XPO6: variants seen among roughly 807,000 people sequenced by gnomAD.
XPO6 encodes exportin 6, also known as exportin-6.
Under a neutral mutation model 130.0 loss-of-function variants are expected in XPO6, and 3 were observed. The observed-to-expected ratio is 0.02, with a 90% CI of 0.01 to 0.06. XPO6 has a LOEUF of 0.06. XPO6 is among the 10% of genes least tolerant of loss of function. The pLI, the probability that XPO6 is intolerant of heterozygous loss-of-function variation, is 1.00. For missense variants in XPO6, 970 were observed against 1,393.0 expected (o/e 0.70, Z 4.83); for synonymous variants, 524 against 548.9 (o/e 0.95, Z 0.63).
chr16:28,156,632 G>C, intron 6 of XPO6, 105 bp from the exon 7 acceptor site: 1 of 646,364 alleles, frequency 1.5e-6, no homozygotes, highest in Non-Finnish European at 2.3e-6. Flanking sequence ...ATACATATAT[G>C]TATCAGTTTA....
intron 17 of XPO6, among the ~76,000 whole-genome samples, chr16:28,108,923 C>A (rs948174706): frequency 3.9e-5 from 6 of 152,228 alleles, no homozygotes; most frequent in Admixed American, 3.9e-4. Context: ...CGCCACAGGC[C>A]TGGTCCTGGT....
intron 8 of XPO6, among the ~76,000 whole-genome samples, chr16:28,149,481 C>T (rs1029181316): frequency 6.6e-6 from 1 of 152,210 alleles, no homozygotes; most frequent in African/African-American, 2.4e-5. Context: ...CAACAATAGA[C>T]TGCATGTGTG....
Position 28,153,884 on chromosome 16 carries a change from A to G in XPO6, c.1098-1099T>C, listed in dbSNP as rs145552822. The G allele has an allele frequency of 1.0e-3, 1,033 of 985,358 alleles. 11 individuals carry two copies. The African/African-American group carries it at 0.017, about 16-fold the overall frequency. The allele number at this position is 985,358 out of a possible 1,614,324, so 61.0% of individuals were successfully genotyped here. On this transcript the variant is annotated intron_variant, in intron 7 of 23. Transcript: ENST00000304658. ...AAAAGCAAAACTGGCCCGGAAATAAAATGTCCCATGTTGCTCCTGGGACCT... is the reference window on the plus strand; with the variant it reads ...AAAAGCAAAACTGGCCCGGAAATAAGATGTCCCATGTTGCTCCTGGGACCT...
At chr16:28,166,888 A>C in intron 5 of XPO6, 2 of 926,244 alleles carry the variant, frequency 2.2e-6, no homozygotes, top group Non-Finnish European at 2.6e-6. Flanking sequence ...ATCCTCCTTG[A>C]CCACACTGTG....
Position 28,168,570 on chromosome 16 carries a change from G to T in XPO6, c.565+1180C>A, listed in dbSNP as rs184005537. Among the ~76,000 whole-genome samples the T allele has an allele frequency of 1.6e-4, 25 of 151,668 alleles. No individual in the cohort carries two copies. The East Asian group carries it at 1.9e-3, about 12-fold the overall frequency. ...TACCCCTGGGGCTTTAGGGAAGGATGGGGGGACAAATGCCAAGTTCTTTTT... is the reference window on the plus strand; with the variant it reads ...TACCCCTGGGGCTTTAGGGAAGGATTGGGGGACAAATGCCAAGTTCTTTTT... On this transcript the variant is annotated intron_variant, in intron 5 of 23. Coordinates refer to ENST00000304658, the MANE Select transcript of XPO6 (RefSeq NM_015171.4).
In XPO6 at chr16:28,161,571, GA is replaced by G. The variant is rs879393705; in HGVS notation, c.643+4936del. ...CTTTTTCCAGAATGGATGCTAAAAG[GA>G]AAAAAAAAAACAAAACATCTATAAT... On this transcript the variant is annotated intron_variant, in intron 6 of 23. Coordinates refer to ENST00000304658, the MANE Select transcript of XPO6 (RefSeq NM_015171.4). Among the ~76,000 whole-genome samples the G allele has an allele frequency of 4.4e-3, 617 of 141,764 alleles. 6 individuals are homozygous for G. The highest frequency in any genetic ancestry group is 0.015 in the African/African-American group (585 of 38,708). The allele number at this position is 141,764 out of a possible 152,430, so 93.0% of individuals were successfully genotyped here.
At chr16:28,135,090 C>T in intron 10 of XPO6, 126 bp downstream of exon 10, 1 of 688,678 alleles carries the variant, frequency 1.5e-6, no homozygotes, top group Non-Finnish European at 2.4e-6. Context: ...ATGTACGACT[C>T]AAACCAGAAG....
At position 28,156,397 on chromosome 16, in the gene XPO6, A is replaced by C; in HGVS notation, c.774T>G (p.Ser258Arg). 1 of 1,614,048 alleles carries C rather than the reference A, an allele frequency of 6.2e-7. No individual in the cohort carries two copies. Among genetic ancestry groups the C allele is most frequent in the Non-Finnish European group, 8.5e-7 (1 of 1,180,010 alleles). Residue 258 changes from serine (S) to arginine (R), a missense_variant, in exon 7 of 24, where the codon AGT becomes AGG. Ser to Arg is a moderately radical substitution (Grantham distance 110, BLOSUM62 -1). Coordinates refer to ENST00000304658, the MANE Select transcript of XPO6 (RefSeq NM_015171.4). ...TGATGCTGGCAGACAGAGGAATCCAACTGAAGAGATGGGCCAGGCACTCCA... is the reference window on the plus strand; with the variant it reads ...TGATGCTGGCAGACAGAGGAATCCACCTGAAGAGATGGGCCAGGCACTCCA... ...LALECLAHLF[S>R]WIPLSASITP...
At chr16:28,105,213 G>A (rs1202392606) in intron 20 of XPO6, among the ~76,000 whole-genome samples, 1 of 152,210 alleles carries the variant, frequency 6.6e-6, no homozygotes, top group East Asian at 1.9e-4. Context: ...CCCCAGAAGG[G>A]GAGGGTTTAA....
At chr16:28,123,909 T>C (rs962597969) in intron 13 of XPO6, among the ~76,000 whole-genome samples, 3 of 152,202 alleles carry the variant, frequency 2.0e-5, no homozygotes, top group Admixed American at 2.0e-4. Flanking sequence ...TCACATTTTA[T>C]TCTAAATGAA....
intron 8 of XPO6, among the ~76,000 whole-genome samples, chr16:28,150,192 A>G (rs2043060817): frequency 6.6e-6 from 1 of 152,090 alleles, no homozygotes; most frequent in Non-Finnish European, 1.5e-5. Context: ...ACCTACTCCC[A>G]CAGGTGGCCA....
chr16:28,121,889 C>A, intron 13 of XPO6, 127 bp from the exon 14 acceptor site: 1 of 628,552 alleles, frequency 1.6e-6, no homozygotes, highest in Non-Finnish European at 2.8e-6. Context: ...GAATCAAGAC[C>A]AGACTTTCAA....
At chr16:28,124,000 G>A (rs1160896407) in intron 13 of XPO6, among the ~76,000 whole-genome samples, 3 of 151,454 alleles carry the variant, frequency 2.0e-5, no homozygotes, top group Non-Finnish European at 4.4e-5. Context: ...CCTATCAAAT[G>A]ATTCAGGATC....
chr16:28,118,400 G>A (rs1009468576), intron 14 of XPO6, among the ~76,000 whole-genome samples: 4 of 152,146 alleles, frequency 2.6e-5, no homozygotes, highest in Admixed American at 6.5e-5. Context: ...ATATTCTGTT[G>A]CTCAGGCTGG....
At chr16:28,161,410 T>A (rs1234416686) in intron 6 of XPO6, among the ~76,000 whole-genome samples, 1 of 152,184 alleles carries the variant, frequency 6.6e-6, no homozygotes, top group Non-Finnish European at 1.5e-5. Context: ...TCCGCCATTA[T>A]AATGAGGATT....
chr16:28,124,469 C>T (rs983104193), intron 13 of XPO6, among the ~76,000 whole-genome samples: 3 of 152,158 alleles, frequency 2.0e-5, no homozygotes, highest in African/African-American at 7.2e-5. Context: ...AACCTCAGTG[C>T]AAATGGGCCC....
At position 28,112,930 on chromosome 16, in the gene XPO6, C is replaced by T. The variant is rs1409716743; in HGVS notation, c.2125G>A (p.Ala709Thr). The change falls in exon 16 of 24, where the codon GCC (alanine) becomes ACC (threonine). Residue 709 changes from alanine (A) to threonine (T), a missense_variant. By Grantham distance (58) the Ala-to-Thr change is moderately conservative (BLOSUM62 0). This residue lies in a region of XPO6 where 936 missense variants were observed against 1,306.8 expected (regional missense o/e 0.72). Transcript: ENST00000304658. Reference protein sequence around the residue: ...VQKVFNRITDASALRLVDKAQ... With the variant: ...VQKVFNRITDTSALRLVDKAQ... ...TTATCGACAAGTCGCAGGGCAGAGG[C>T]ATCAGTGATTCTGTTGAATACTTTC... The T allele has an allele frequency of 1.4e-5, 23 of 1,613,954 alleles. No homozygotes were observed. Among genetic ancestry groups the T allele is most frequent in the Non-Finnish European group, 1.9e-5 (23 of 1,179,978 alleles).
rs567765513 is a variant in XPO6, at chr16:28,109,738, A to G, written c.2342-2061T>C. Reference sequence around the variant, plus strand: ...CAACCAAACACAATAAAACTATCCTAGATTACATCCTGGATTTTTTAAAAG... The same window carrying G: ...CAACCAAACACAATAAAACTATCCTGGATTACATCCTGGATTTTTTAAAAG... On this transcript the variant is annotated intron_variant, in intron 17 of 23. Coordinates refer to ENST00000304658, the MANE Select transcript of XPO6 (RefSeq NM_015171.4). Among the ~76,000 whole-genome samples the G allele has an allele frequency of 1.1e-4, 16 of 152,358 alleles. No homozygotes were observed. The South Asian group carries it at 3.3e-3, about 32-fold the overall frequency.
At chr16:28,184,190 T>C (rs898102113) in intron 1 of XPO6, among the ~76,000 whole-genome samples, 4 of 152,234 alleles carry the variant, frequency 2.6e-5, no homozygotes, top group Non-Finnish European at 5.9e-5. Flanking sequence ...AGACAAGGCT[T>C]CCATTCCCAA....
Sources: gnomAD v4.1 joint callset for allele counts (sites outside exome capture counted in the v4.1 genomes callset) on GRCh38, gnomAD v4.1.1 for gene constraint, gnomAD v4.1.1 regional missense constraint, MANE v1.5 for transcripts, NCBI Gene and HGNC (gene_info 2026-07-23, HGNC 2026-07-21) for gene names.